The following FRMD4A variants were observed in gnomAD, a reference collection of about 807,000 sequenced individuals.
The protein encoded by FRMD4A is FERM domain containing 4A.
Under a neutral mutation model 129.1 loss-of-function variants are expected in FRMD4A, and 29 were observed. That is an observed-to-expected ratio of 0.22 (90% confidence interval 0.17 to 0.31). The LOEUF (loss-of-function observed/expected upper bound fraction) is 0.31. Ranked by LOEUF, FRMD4A falls within the 10% of genes least tolerant of loss-of-function variation. The probability of loss-of-function intolerance (pLI) is 1.00; values close to 1 mark genes in which losing one functional copy is unlikely to be tolerated. For synonymous variants in FRMD4A, 634 were observed against 571.6 expected (o/e 1.11, Z -1.56); for missense variants, 1,272 against 1,375.8 (o/e 0.92, Z 1.19).
intron 2 of FRMD4A, among the ~76,000 whole-genome samples, chr10:13,940,835 T>G (rs529541488): frequency 1.3e-5 from 2 of 152,318 alleles, no homozygotes; most frequent in South Asian, 4.1e-4. Flanking sequence ...AGAAATGTCT[T>G]TACGATTTCC....
In FRMD4A at chr10:13,924,098, G is replaced by A. The variant is rs185030908; in HGVS notation, c.46-65186C>T. On this transcript the variant is annotated intron_variant, in intron 2 of 24. Transcript: ENST00000357447. Reference sequence around the variant, plus strand: ...AGAAGAAGCTTTTTAAGATCTTGAAGCTGTTATTCCCCACTTTTATACTAT... The same window carrying A: ...AGAAGAAGCTTTTTAAGATCTTGAAACTGTTATTCCCCACTTTTATACTAT... Among the ~76,000 whole-genome samples the A allele has an allele frequency of 7.6e-3, 1,161 of 152,314 alleles. 14 individuals carry two copies. Among genetic ancestry groups the A allele is most frequent in the Middle Eastern group, 0.024 (7 of 292 alleles).
At chr10:14,174,430 G>C (rs1020315412) in intron 2 of FRMD4A, among the ~76,000 whole-genome samples, 1 of 152,234 alleles carries the variant, frequency 6.6e-6, no homozygotes, top group Admixed American at 6.5e-5. Context: ...CCACAGGGCA[G>C]CTCATCCAGG....
At chr10:14,103,940 C>T (rs984612072) in intron 2 of FRMD4A, among the ~76,000 whole-genome samples, 20 of 152,080 alleles carry the variant, frequency 1.3e-4, no homozygotes, top group African/African-American at 2.7e-4. Context: ...AATTACGTAC[C>T]GTCAGCGATT....
intron 5 of FRMD4A, among the ~76,000 whole-genome samples, chr10:13,785,747 G>T (rs138386646): frequency 2.0e-5 from 3 of 151,992 alleles, no homozygotes; most frequent in East Asian, 1.9e-4. Flanking sequence ...CATTAGGTAT[G>T]TCTCCTAATG....
chr10:13,659,337 G>T lies in FRMD4A; in HGVS notation c.2052C>A (p.Tyr684Ter), dbSNP rs889701609. 6.2e-7 allele frequency: 1 copy of T among 1,613,914 alleles called. No homozygotes were observed. Among genetic ancestry groups the T allele is most frequent in the Non-Finnish European group, 8.5e-7 (1 of 1,179,846 alleles). ...TPDLRVRSPH[Y>*]VHSTRSVDIS... is the part of the protein sequence containing the mutation. ...GGCAGACTCACCTCGTGGAATGGAC[G>T]TAGTGGGGACTCCGGACCCGCAGGT... Residue 684 changes from tyrosine (Y) to a stop codon, truncating the protein, a stop_gained, in exon 21 of 25, where the codon TAC (tyrosine) becomes TAA (stop). Transcript: ENST00000357447. LOFTEE classifies it high-confidence loss of function.
At chr10:14,073,521 A>T (rs924337467) in intron 2 of FRMD4A, among the ~76,000 whole-genome samples, 1 of 152,200 alleles carries the variant, frequency 6.6e-6, no homozygotes, top group Non-Finnish European at 1.5e-5. Flanking sequence ...ATACCCTCCC[A>T]AAGCAAAATA....
intron 13 of FRMD4A, among the ~76,000 whole-genome samples, chr10:13,706,607 G>A (rs992219959): frequency 2.0e-5 from 3 of 152,180 alleles, no homozygotes; most frequent in Non-Finnish European, 4.4e-5. Context: ...CGTCCTGCCT[G>A]AAATACTTTT....
At chr10:13,884,206 A>T (rs796121104) in intron 2 of FRMD4A, among the ~76,000 whole-genome samples, 32,989 of 82,278 alleles carry the variant, frequency 0.4, 8,631 homozygotes, top group Middle Eastern at 0.51. Flanking sequence ...TCACACACAC[A>T]CTCACACACA....
At chr10:13,708,066 T>A (rs2087647989) in intron 12 of FRMD4A, 2 of 175,100 alleles carry the variant, frequency 1.1e-5, no homozygotes, top group South Asian at 3.7e-4. Context: ...GGTTACTGCA[T>A]CACCTTCCAC....
intron 2 of FRMD4A, among the ~76,000 whole-genome samples, chr10:14,128,077 TTTC>T (rs1564320217): frequency 1.7e-5 from 2 of 114,414 alleles, no homozygotes; most frequent in Admixed American, 9.5e-5. Flanking sequence ...TCTTTCTTTC[TTTC>T]TTTCTTTCTT....
intron 2 of FRMD4A, among the ~76,000 whole-genome samples, chr10:14,271,270 CA>C (rs750101803): frequency 3.9e-5 from 6 of 152,232 alleles, no homozygotes; most frequent in Non-Finnish European, 5.9e-5. Flanking sequence ...ACTATACATA[CA>C]TTTTTTTAAA....
chr10:13,656,078 T>A (rs74123095), intron 22 of FRMD4A: 7,290 of 152,334 alleles, frequency 0.048, 490 homozygotes, highest in African/African-American at 0.14. Flanking sequence ...TTTGTGGCTA[T>A]GGCATAACAT....
At chr10:13,683,723 T>TC (rs1475202415) in intron 15 of FRMD4A, among the ~76,000 whole-genome samples, 3 of 151,558 alleles carry the variant, frequency 2.0e-5, no homozygotes, top group Non-Finnish European at 4.4e-5. Context: ...TTTTTTTTTT[T>TC]TCTTTTTGAG....
chr10:14,195,089 G>T lies in FRMD4A; in HGVS notation c.45+134969C>A, dbSNP rs184744353. ...CTTATTCTCAGGGTAGGCTCACACA[G>T]AACAATAAGAATTGGTAGTAGTAGT... On this transcript the variant is annotated intron_variant, in intron 2 of 24. Coordinates refer to ENST00000357447, the MANE Select transcript of FRMD4A (RefSeq NM_018027.5). 2.5e-4 allele frequency among the ~76,000 whole-genome samples: 38 copies of T among 152,228 alleles called. 1 individual carries two copies. Among genetic ancestry groups the T allele is most frequent in the African/African-American group, 9.1e-4 (38 of 41,542 alleles).
intron 2 of FRMD4A, among the ~76,000 whole-genome samples, chr10:14,106,142 C>A (rs1321264463): frequency 1.3e-5 from 2 of 152,196 alleles, no homozygotes; most frequent in East Asian, 3.8e-4. Context: ...CCATGCCTAG[C>A]ATCATCCAAA....
intron 2 of FRMD4A, among the ~76,000 whole-genome samples, chr10:14,309,170 C>G (rs765219747): frequency 3.3e-5 from 5 of 152,198 alleles, no homozygotes; most frequent in Non-Finnish European, 7.3e-5. Context: ...TACATGTAGA[C>G]TGGGCATGGT....
At chr10:13,661,898 A>G (rs147208956) in intron 19 of FRMD4A, among the ~76,000 whole-genome samples, 43 of 152,254 alleles carry the variant, frequency 2.8e-4, no homozygotes, top group Non-Finnish European at 5.3e-4. Context: ...CCAGCCGTGG[A>G]CACCCACTAT....
intron 3 of FRMD4A, among the ~76,000 whole-genome samples, chr10:13,824,911 A>C (rs946229335): frequency 1.3e-5 from 2 of 151,682 alleles, no homozygotes; most frequent in African/African-American, 2.4e-5. Flanking sequence ...AAAAAAAAAA[A>C]AAAAAGAGTA....
intron 2 of FRMD4A, among the ~76,000 whole-genome samples, chr10:13,904,237 G>A (rs1451593329): frequency 1.9e-5 from 1 of 51,362 alleles, no homozygotes; most frequent in East Asian, 6.5e-4. Flanking sequence ...CTGGCGTTTC[G>A]CCTCCCAGCC....
Sources: allele counts gnomAD v4.1 joint callset (sites outside exome capture counted in the v4.1 genomes callset), GRCh38; gene constraint gnomAD v4.1.1; transcripts MANE v1.5; gene names NCBI Gene and HGNC (gene_info 2026-07-23, HGNC 2026-07-21).